Variants in CNTN1 observed in about 807,000 individuals in gnomAD.
CNTN1 encodes the protein contactin 1, also known as contactin-1.
In CNTN1, 38 loss-of-function variants were observed where a neutral mutation model predicts 126.4. The ratio of observed to expected loss-of-function variants is 0.30; its 90% confidence interval spans 0.23 to 0.39. CNTN1 has a LOEUF of 0.39. Ranked by LOEUF, CNTN1 falls within the 10% of genes least tolerant of loss-of-function variation. The pLI is 1.00. For missense variants in CNTN1, 1,009 were observed against 1,248.4 expected (o/e 0.81, Z 2.89); for synonymous variants, 413 against 422.6 (o/e 0.98, Z 0.28).
At chr12:40,859,656 A>T (rs976438217) in intron 1 of CNTN1, among the ~76,000 whole-genome samples, 1 of 152,144 alleles carries the variant, frequency 6.6e-6, no homozygotes, top group Non-Finnish European at 1.5e-5. Context: ...CCCACATTCA[A>T]GGGAAGAATC....
intron 1 of CNTN1, among the ~76,000 whole-genome samples, chr12:40,837,986 A>T (rs1453314958): frequency 6.6e-6 from 1 of 152,178 alleles, no homozygotes; most frequent in Non-Finnish European, 1.5e-5. Flanking sequence ...GCAGGGTCTC[A>T]GTATCGCTGC....
intron 1 of CNTN1, among the ~76,000 whole-genome samples, chr12:40,842,894 C>T (rs920922192): frequency 1.3e-5 from 2 of 152,056 alleles, no homozygotes; most frequent in Admixed American, 6.5e-5. Context: ...AGTAGTCGAT[C>T]TTGTTTTTTA....
intron 1 of CNTN1, among the ~76,000 whole-genome samples, chr12:40,803,322 G>A (rs988077690): frequency 1.3e-5 from 2 of 151,890 alleles, no homozygotes; most frequent in Admixed American, 6.6e-5. Flanking sequence ...TTATTCATTT[G>A]TAAACTGCCC....
intron 14 of CNTN1, among the ~76,000 whole-genome samples, chr12:40,958,335 ATGTGTGTGTGTATATATG>A (rs1946966807): frequency 7.0e-6 from 1 of 142,890 alleles, no homozygotes; most frequent in East Asian, 2.0e-4. Context: ...GTATGTGTAT[ATGTGTGTGTGTATATATG>A]TGTGTGTGTG....
chr12:40,714,618 T>C (rs1241050724), intron 1 of CNTN1, among the ~76,000 whole-genome samples: 1 of 152,152 alleles, frequency 6.6e-6, no homozygotes, highest in Non-Finnish European at 1.5e-5. Flanking sequence ...ACTGATTACC[T>C]TGTAAGATGT....
At chr12:41,006,991 G>A (rs1241202441) in intron 17 of CNTN1, among the ~76,000 whole-genome samples, 1 of 150,536 alleles carries the variant, frequency 6.6e-6, no homozygotes, top group African/African-American at 2.4e-5. Context: ...GAAAAACTTG[G>A]AGAGAATCAA....
Position 40,971,031 on chromosome 12 carries a change from C to G in CNTN1, c.1805-9878C>G, listed in dbSNP as rs558270186. ...TTAACCGTTGATTAACTTTTTCAAA[C>G]CATTGCTTCAATCTATCCTTATTAC... On this transcript the variant is annotated intron_variant, in intron 15 of 23. Transcript: ENST00000551295. 1.0e-3 allele frequency among the ~76,000 whole-genome samples: 154 copies of G among 152,274 alleles called. 1 individual carries two copies. The highest frequency in any genetic ancestry group is 3.7e-3 in the African/African-American group (152 of 41,566).
chr12:40,827,869 C>A (rs1223709008), intron 1 of CNTN1, among the ~76,000 whole-genome samples: 1 of 152,106 alleles, frequency 6.6e-6, no homozygotes, highest in African/African-American at 2.4e-5. Context: ...GATTTTAATG[C>A]ATGAATTATG....
At chr12:40,717,282 A>G (rs1349154096) in intron 1 of CNTN1, among the ~76,000 whole-genome samples, 1 of 152,168 alleles carries the variant, frequency 6.6e-6, no homozygotes, top group African/African-American at 2.4e-5. Flanking sequence ...CTGTTGTTTT[A>G]CCTAAATGTA....
chr12:40,773,696 C>CATATATAT (rs369635772), intron 1 of CNTN1, among the ~76,000 whole-genome samples: 670 of 19,818 alleles, frequency 0.034, 14 homozygotes, highest in African/African-American at 0.053. Context: ...TATATATACA[C>CATATATAT]ATATATATAT....
intron 23 of CNTN1, among the ~76,000 whole-genome samples, chr12:41,068,988 A>C (rs533656): frequency 0.32 from 47,905 of 152,046 alleles, 8,078 homozygotes; most frequent in African/African-American, 0.43. Context: ...AAGACCCTGT[A>C]TCTTAAAAAA....
chr12:40,850,425 T>C (rs67410126), intron 1 of CNTN1, among the ~76,000 whole-genome samples: 8,288 of 152,208 alleles, frequency 0.054, 251 homozygotes, highest in Middle Eastern at 0.11. Flanking sequence ...TGCAGGGCTA[T>C]CCAGAAGGAG....
At chr12:40,759,521 G>A (rs555867052) in intron 1 of CNTN1, among the ~76,000 whole-genome samples, 18 of 149,666 alleles carry the variant, frequency 1.2e-4, no homozygotes, top group South Asian at 6.4e-4. Context: ...GCTGGAATGC[G>A]GTGAAATGCT....
intron 1 of CNTN1, among the ~76,000 whole-genome samples, chr12:40,888,052 A>T (rs1040978049): frequency 6.6e-6 from 1 of 150,912 alleles, no homozygotes. Context: ...ATTAGGAGAT[A>T]TACCTAATGC....
chr12:41,056,463 G>A (rs924320640), intron 23 of CNTN1, among the ~76,000 whole-genome samples: 1 of 152,088 alleles, frequency 6.6e-6, no homozygotes, highest in Admixed American at 6.6e-5. Context: ...GCAAGAACCT[G>A]ATATTGGGAC....
intron 1 of CNTN1, 104 bp from the exon 2 acceptor site, chr12:40,908,253 T>A: frequency 1.7e-6 from 1 of 576,852 alleles, no homozygotes; most frequent in East Asian, 2.9e-5. Context: ...GATGAACATT[T>A]CCAATTTCCT....
At chr12:40,782,133 A>G (rs911692278) in intron 1 of CNTN1, among the ~76,000 whole-genome samples, 1 of 151,952 alleles carries the variant, frequency 6.6e-6, no homozygotes, top group East Asian at 1.9e-4. Context: ...CAATATGCAC[A>G]CATATTTTTT....
intron 4 of CNTN1, among the ~76,000 whole-genome samples, chr12:40,919,611 A>G (rs1439908262): frequency 6.6e-5 from 10 of 152,142 alleles, no homozygotes; most frequent in African/African-American, 2.4e-4. Context: ...CTTGATACAA[A>G]AGTAACTTTC....
At chr12:40,914,541 T>A (rs1055160253) in intron 3 of CNTN1, among the ~76,000 whole-genome samples, 3 of 152,136 alleles carry the variant, frequency 2.0e-5, no homozygotes, top group African/African-American at 7.2e-5. Flanking sequence ...GCAAGAAGAA[T>A]ATAGTTATGA....
Sources: gnomAD v4.1 joint callset for allele counts (sites outside exome capture counted in the v4.1 genomes callset) on GRCh38, gnomAD v4.1.1 for gene constraint, MANE v1.5 for transcripts, NCBI Gene and HGNC (gene_info 2026-07-23, HGNC 2026-07-21) for gene names.